Variants in LRRTM4 observed in about 807,000 individuals in gnomAD.
LRRTM4 encodes the protein leucine rich repeat transmembrane neuronal 4.
A neutral mutation model predicts 47.6 loss-of-function variants in LRRTM4; 25 were observed. The ratio of observed to expected loss-of-function variants is 0.53; its 90% confidence interval spans 0.38 to 0.73. The LOEUF (loss-of-function observed/expected upper bound fraction) is 0.73, where lower values mean the gene tolerates loss of function less well. Ranked by LOEUF, LRRTM4 falls within the 30% of genes least tolerant of loss-of-function variation. The pLI is 0.00. For missense variants in LRRTM4, 638 were observed against 713.4 expected, an observed-to-expected ratio of 0.89 and a Z score of 1.20; for synonymous variants, 311 against 269.5, an observed-to-expected ratio of 1.15 and a Z score of -1.51.
chr2:76,878,700 CCT>C (rs1672844833), intron 3 of LRRTM4, among the ~76,000 whole-genome samples: 3 of 151,866 alleles, frequency 2.0e-5, no homozygotes, highest in African/African-American at 7.3e-5. Context: ...GAAACCCCAC[CCT>C]GTCTCTACTA....
intron 3 of LRRTM4, among the ~76,000 whole-genome samples, chr2:77,224,552 G>C (rs186613344): frequency 6.6e-6 from 1 of 152,206 alleles, no homozygotes; most frequent in Admixed American, 6.5e-5. Flanking sequence ...GTGGGCAAAG[G>C]ATAAGAACAG....
chr2:77,200,367 G>C (rs1558630642), intron 3 of LRRTM4, among the ~76,000 whole-genome samples: 1 of 151,970 alleles, frequency 6.6e-6, no homozygotes, highest in Non-Finnish European at 1.5e-5. Context: ...GACATCAGTT[G>C]ACAAAAACAT....
intron 3 of LRRTM4, among the ~76,000 whole-genome samples, chr2:77,498,209 T>A (rs1404406368): frequency 6.6e-6 from 1 of 151,842 alleles, no homozygotes; most frequent in Non-Finnish European, 1.5e-5. Flanking sequence ...TTGGAAGAAA[T>A]CTTTCATCAA....
chr2:76,993,740 A>T (rs1001247047), intron 3 of LRRTM4, among the ~76,000 whole-genome samples: 3 of 151,936 alleles, frequency 2.0e-5, no homozygotes, highest in Non-Finnish European at 4.4e-5. Flanking sequence ...TCCACCCAGC[A>T]GTCCCAACAA....
At chr2:76,819,289 C>T (rs986143721) in intron 3 of LRRTM4, among the ~76,000 whole-genome samples, 1 of 151,618 alleles carries the variant, frequency 6.6e-6, no homozygotes, top group East Asian at 1.9e-4. Context: ...TCTCATTATA[C>T]AGATGAGGAA....
chr2:76,970,417 T>C (rs1039928626), intron 3 of LRRTM4, among the ~76,000 whole-genome samples: 1 of 151,998 alleles, frequency 6.6e-6, no homozygotes, highest in Non-Finnish European at 1.5e-5. Context: ...CTCCTTTTGG[T>C]TTCTTTCCTA....
chr2:77,484,763 A>G (rs1185952085), intron 3 of LRRTM4, among the ~76,000 whole-genome samples: 1 of 152,104 alleles, frequency 6.6e-6, no homozygotes, highest in Non-Finnish European at 1.5e-5. Context: ...AAAAGTTTTC[A>G]GGTTTTTTTT....
At chr2:77,297,432 T>C (rs1677004064) in intron 3 of LRRTM4, among the ~76,000 whole-genome samples, 1 of 152,208 alleles carries the variant, frequency 6.6e-6, no homozygotes. Context: ...AGGCTACTGG[T>C]TCCAATTTAG....
intron 3 of LRRTM4, among the ~76,000 whole-genome samples, chr2:77,079,644 T>C (rs1210707130): frequency 6.6e-6 from 1 of 152,204 alleles, no homozygotes; most frequent in East Asian, 1.9e-4. Flanking sequence ...CTGAATGACC[T>C]GCACATCTCA....
intron 3 of LRRTM4, among the ~76,000 whole-genome samples, chr2:77,463,309 A>C (rs565245153): frequency 3.9e-5 from 6 of 152,192 alleles, no homozygotes; most frequent in Middle Eastern, 3.4e-3. Flanking sequence ...TCATTGATGA[A>C]AGCATTGTTA....
At chr2:76,962,139 A>C (rs1675880893) in intron 3 of LRRTM4, among the ~76,000 whole-genome samples, 1 of 151,320 alleles carries the variant, frequency 6.6e-6, no homozygotes, top group Non-Finnish European at 1.5e-5. Flanking sequence ...CTATATGTTT[A>C]AGAAAGGACA....
chr2:76,941,826 C>A (rs979070121), intron 3 of LRRTM4, among the ~76,000 whole-genome samples: 1 of 152,046 alleles, frequency 6.6e-6, no homozygotes, highest in Non-Finnish European at 1.5e-5. Context: ...GGGCATATAC[C>A]CAGTAATGGG....
At chr2:77,427,267 G>A (rs187079258) in intron 3 of LRRTM4, among the ~76,000 whole-genome samples, 4 of 152,042 alleles carry the variant, frequency 2.6e-5, no homozygotes, top group African/African-American at 7.2e-5. Context: ...GTGAGCCACC[G>A]CACCCGGCCT....
chr2:76,990,754 T>G (rs1356621778), intron 3 of LRRTM4, among the ~76,000 whole-genome samples: 1 of 147,364 alleles, frequency 6.8e-6, no homozygotes, highest in Non-Finnish European at 1.5e-5. Flanking sequence ...GGCAGAAAAC[T>G]AACTAAGAAA....
intron 3 of LRRTM4, among the ~76,000 whole-genome samples, chr2:77,017,746 A>G (rs1197685518): frequency 6.6e-6 from 1 of 152,026 alleles, no homozygotes; most frequent in Non-Finnish European, 1.5e-5. Context: ...GAGAATAAAA[A>G]CAACAATTTT....
At chr2:77,012,330 T>C (rs1184025603) in intron 3 of LRRTM4, among the ~76,000 whole-genome samples, 2 of 151,888 alleles carry the variant, frequency 1.3e-5, no homozygotes, top group African/African-American at 4.8e-5. Flanking sequence ...AACACAGAGG[T>C]TTGAAACGGA....
At chr2:76,975,395 A>G (rs543387407) in intron 3 of LRRTM4, among the ~76,000 whole-genome samples, 19 of 147,474 alleles carry the variant, frequency 1.3e-4, no homozygotes, top group Non-Finnish European at 2.7e-4. Flanking sequence ...TGGCTTAATC[A>G]TAAGAGACTT....
intron 3 of LRRTM4, among the ~76,000 whole-genome samples, chr2:76,896,596 G>A (rs1673425712): frequency 6.6e-6 from 1 of 151,860 alleles, no homozygotes; most frequent in African/African-American, 2.4e-5. Context: ...CAGGCTACTT[G>A]TCAATTGTTT....
At chr2:77,021,118 C>T (rs553463166) in intron 3 of LRRTM4, among the ~76,000 whole-genome samples, 63 of 151,516 alleles carry the variant, frequency 4.2e-4, no homozygotes, top group Admixed American at 9.2e-4. Flanking sequence ...ATGTATCTAT[C>T]TATCTATCTA....
Sources: allele counts gnomAD v4.1 joint callset (sites outside exome capture counted in the v4.1 genomes callset), GRCh38; gene constraint gnomAD v4.1.1; transcripts MANE v1.5; gene names NCBI Gene and HGNC (gene_info 2026-07-23, HGNC 2026-07-21).